Variants in PTPRG observed in about 807,000 individuals in gnomAD.
PTPRG encodes the protein receptor-type tyrosine-protein phosphatase gamma.
PTPRG carries 102 observed loss-of-function variants against 165.3 expected under a neutral mutation model. That is an observed-to-expected ratio of 0.62 (90% CI 0.53 to 0.73). The LOEUF is 0.73. PTPRG is among the 30% of genes least tolerant of loss of function. The pLI is 0.00. For synonymous variants in PTPRG, 675 were observed against 669.5 expected (o/e 1.01, Z -0.13); for missense variants, 1,866 against 1,861.4 (o/e 1.00, Z -0.05).
At chr3:61,797,581 A>ACCCCCCC (rs10541580) in intron 2 of PTPRG, among the ~76,000 whole-genome samples, 290 of 127,234 alleles carry the variant, frequency 2.3e-3, no homozygotes, top group Middle Eastern at 4.2e-3. Context: ...TTATCTCCAC[A>ACCCCCCC]CCCCCCCCCA....
intron 1 of PTPRG, among the ~76,000 whole-genome samples, chr3:61,623,631 T>C (rs1701525632): frequency 6.6e-6 from 1 of 152,340 alleles, no homozygotes; most frequent in South Asian, 2.1e-4. Context: ...TTAAGTGATA[T>C]TATCTAAAAT....
chr3:61,947,843 C>A (rs996229156), intron 2 of PTPRG, among the ~76,000 whole-genome samples: 1 of 152,164 alleles, frequency 6.6e-6, no homozygotes, highest in Non-Finnish European at 1.5e-5. Context: ...TGTCTAATTG[C>A]CAAGTGTGAA....
chr3:62,173,567 A>G (rs904393692), intron 8 of PTPRG, among the ~76,000 whole-genome samples: 2 of 152,180 alleles, frequency 1.3e-5, no homozygotes, highest in African/African-American at 4.8e-5. Context: ...CAAGGTGGTA[A>G]TGGCCATGAC....
chr3:62,034,835 G>T (rs111329322), intron 4 of PTPRG, among the ~76,000 whole-genome samples: 2 of 152,118 alleles, frequency 1.3e-5, no homozygotes, highest in African/African-American at 2.4e-5. Context: ...GGCCACCCCC[G>T]CAGCCAGCTG....
chr3:61,707,644 T>C (rs1019082592), intron 1 of PTPRG, among the ~76,000 whole-genome samples: 10 of 152,302 alleles, frequency 6.6e-5, no homozygotes, highest in Admixed American at 6.5e-5. Context: ...AGTCTATCAA[T>C]TCAAATGTTA....
chr3:62,115,555 A>G (rs1312040352), intron 5 of PTPRG, among the ~76,000 whole-genome samples: 2 of 152,130 alleles, frequency 1.3e-5, no homozygotes, highest in African/African-American at 2.4e-5. Flanking sequence ...CTTGAAATCA[A>G]TATTATTAAT....
At chr3:61,991,372 G>T (rs2040885485) in intron 3 of PTPRG, among the ~76,000 whole-genome samples, 1 of 152,052 alleles carries the variant, frequency 6.6e-6, no homozygotes, top group Non-Finnish European at 1.5e-5. Context: ...CCCCCAGCTA[G>T]TTTTTGTGTT....
At chr3:61,882,065 C>T (rs1304387055) in intron 2 of PTPRG, among the ~76,000 whole-genome samples, 1 of 152,176 alleles carries the variant, frequency 6.6e-6, no homozygotes, top group East Asian at 1.9e-4. Flanking sequence ...AGTTACATGC[C>T]ATTACAACTG....
At chr3:62,040,591 C>G (rs774571534) in intron 4 of PTPRG, among the ~76,000 whole-genome samples, 3 of 152,166 alleles carry the variant, frequency 2.0e-5, no homozygotes, top group Non-Finnish European at 4.4e-5. Flanking sequence ...GTAGCTGGTA[C>G]TACAGGCATG....
chr3:62,036,313 A>G (rs1171908334), intron 4 of PTPRG, among the ~76,000 whole-genome samples: 1 of 152,210 alleles, frequency 6.6e-6, no homozygotes. Context: ...GTGATAAAAA[A>G]GAAATCCATA....
intron 2 of PTPRG, among the ~76,000 whole-genome samples, chr3:61,880,252 T>C (rs1200397951): frequency 2.6e-5 from 4 of 152,146 alleles, no homozygotes; most frequent in Admixed American, 6.5e-5. Flanking sequence ...AATTGACAAA[T>C]GTAAAATTTT....
intron 2 of PTPRG, among the ~76,000 whole-genome samples, chr3:61,862,582 A>C (rs1321554602): frequency 1.3e-5 from 2 of 151,888 alleles, no homozygotes. Flanking sequence ...TTCAATAGAG[A>C]CGGGGTTTCT....
chr3:62,114,385 T>C (rs1447978661), intron 5 of PTPRG, among the ~76,000 whole-genome samples: 2 of 152,228 alleles, frequency 1.3e-5, no homozygotes, highest in African/African-American at 4.8e-5. Context: ...CTGTTGTTCA[T>C]GTAATTCTCT....
At chr3:62,067,177 A>T (rs1389282395) in intron 4 of PTPRG, among the ~76,000 whole-genome samples, 1 of 151,984 alleles carries the variant, frequency 6.6e-6, no homozygotes, top group Non-Finnish European at 1.5e-5. Flanking sequence ...CCCACTGATA[A>T]TGTTTCATGT....
intron 14 of PTPRG, among the ~76,000 whole-genome samples, chr3:62,242,112 A>G (rs925262279): frequency 2.0e-5 from 3 of 152,254 alleles, no homozygotes; most frequent in African/African-American, 7.2e-5. Flanking sequence ...TCAAACATCA[A>G]AATAATTTGT....
chr3:61,952,290 A>G (rs1347490217), intron 2 of PTPRG, among the ~76,000 whole-genome samples: 1 of 151,990 alleles, frequency 6.6e-6, no homozygotes, highest in Non-Finnish European at 1.5e-5. Flanking sequence ...CTTGGGGGCA[A>G]TTTTGCTTTA....
In PTPRG at chr3:62,176,319, G is replaced by T. The variant is rs539289638; in HGVS notation, c.1033+8156G>T. Among the ~76,000 whole-genome samples the T allele has an allele frequency of 1.8e-3, 281 of 152,278 alleles. 2 individuals are homozygous for T. The highest frequency in any genetic ancestry group is 3.2e-3 in the Non-Finnish European group (215 of 68,024). On this transcript the variant is annotated intron_variant, in intron 8 of 29. Coordinates refer to ENST00000474889, the MANE Select transcript of PTPRG (RefSeq NM_002841.4). ...TTATTGTTTCTCTTTAACAAGTGAG[G>T]TGTCTAACGTTCAGAGAGGGTAAGT...
chr3:61,859,722 C>G (rs868436222), intron 2 of PTPRG, among the ~76,000 whole-genome samples: 1 of 152,042 alleles, frequency 6.6e-6, no homozygotes, highest in Admixed American at 6.6e-5. Flanking sequence ...AACTTATGAC[C>G]TGAACCCAAG....
intron 4 of PTPRG, among the ~76,000 whole-genome samples, chr3:62,074,332 T>C (rs1311088126): frequency 7.1e-6 from 1 of 141,498 alleles, no homozygotes; most frequent in African/African-American, 2.8e-5. Flanking sequence ...TTTCTTTTTT[T>C]CCTTTCTTTT....
Sources: allele counts gnomAD v4.1 joint callset (sites outside exome capture counted in the v4.1 genomes callset), GRCh38; gene constraint gnomAD v4.1.1; transcripts MANE v1.5; gene names NCBI Gene and HGNC (gene_info 2026-07-23, HGNC 2026-07-21).